The following RPL31 variants were observed in gnomAD, a reference collection of about 807,000 sequenced individuals.
RPL31 encodes the protein ribosomal protein L31, also known as large ribosomal subunit protein eL31.
For missense variants in RPL31, 95 were observed against 164.0 expected (o/e 0.58, Z 2.30); for synonymous variants, 51 against 55.0 (o/e 0.93, Z 0.32).
downstream of RPL31, chr2:101,011,093 A>G (rs1679174634): frequency 4.0e-6 from 6 of 1,491,620 alleles, no homozygotes; most frequent in Non-Finnish European, 5.5e-6. Flanking sequence ...AAAGGAAACT[A>G]TGTAGGAGAG....
At chr2:101,019,003 G>C in exon 5 of RPL31, 1 of 1,612,556 alleles carries the variant, frequency 6.2e-7, no homozygotes. Context: ...GCTAGTTTCT[G>C]TGCTAAACAG....
chr2:101,008,452 TTC>T (rs1187013210), downstream of RPL31, among the ~76,000 whole-genome samples: 1 of 152,180 alleles, frequency 6.6e-6, no homozygotes, highest in Non-Finnish European at 1.5e-5. Flanking sequence ...TCCTGGGAAT[TTC>T]AGCACAGACT....
intron 4 of RPL31, among the ~76,000 whole-genome samples, chr2:101,016,930 TG>T (rs1315532436): frequency 7.0e-6 from 1 of 143,336 alleles, no homozygotes; most frequent in African/African-American, 2.7e-5. Context: ...GGTGTGGGGT[TG>T]GGGGGATGGG....
At chr2:101,017,718 C>T in intron 4 of RPL31, 1 of 843,020 alleles carries the variant, frequency 1.2e-6, no homozygotes, top group Admixed American at 2.5e-5. Flanking sequence ...ATCCATGGTA[C>T]ATCACTTTAT....
exon 5 of RPL31, chr2:101,019,498 G>C (rs1679894352): frequency 6.5e-6 from 1 of 153,056 alleles, no homozygotes; most frequent in South Asian, 2.1e-4. Flanking sequence ...CTGCACTCTA[G>C]CTTTTTTGTC....
At chr2:101,015,727 A>G (rs574181935) in intron 4 of RPL31, among the ~76,000 whole-genome samples, 2 of 152,368 alleles carry the variant, frequency 1.3e-5, no homozygotes, top group South Asian at 2.1e-4. Context: ...AAACAGAGAT[A>G]TAGATCAATG....
intron 3 of RPL31, 75 bp downstream of exon 3, chr2:101,004,358 A>G (rs1678641415): frequency 4.6e-6 from 7 of 1,527,506 alleles, no homozygotes; most frequent in Non-Finnish European, 6.3e-6. Context: ...AAGAGCCCAT[A>G]TCAGTTCAGT....
downstream of RPL31, among the ~76,000 whole-genome samples, chr2:101,009,925 C>T (rs1035419757): frequency 1.3e-5 from 2 of 151,580 alleles, no homozygotes; most frequent in African/African-American, 4.8e-5. Context: ...GGGTTCATGC[C>T]ATTCTCCTGC....
chr2:101,005,182 T>A (rs1374055308), intron 3 of RPL31: 1 of 152,194 alleles, frequency 6.6e-6, no homozygotes, highest in Non-Finnish European at 1.5e-5. Context: ...AATCGGGGCC[T>A]AGAACAATAC....
chr2:101,012,583 T>A (rs1381849508), intron 4 of RPL31, among the ~76,000 whole-genome samples: 1 of 151,104 alleles, frequency 6.6e-6, no homozygotes, highest in Non-Finnish European at 1.5e-5. Flanking sequence ...GATGCAATGG[T>A]CTAAAATTGA....
chr2:101,004,003 C>T (rs551023272), intron 2 of RPL31, among the ~76,000 whole-genome samples, 155 bp from the exon 3 acceptor site: 2 of 152,304 alleles, frequency 1.3e-5, no homozygotes, highest in South Asian at 4.1e-4. Flanking sequence ...TTTAAGCACA[C>T]TGGCCTACTG....
At chr2:101,005,044 G>GAACA (rs1678668299) in intron 3 of RPL31, 1 of 152,328 alleles carries the variant, frequency 6.6e-6, no homozygotes, top group African/African-American at 2.4e-5. Context: ...GAACAAGACA[G>GAACA]GGACCTGAGA....
chr2:101,004,565 C>A, intron 3 of RPL31: 2 of 433,538 alleles, frequency 4.6e-6, no homozygotes, highest in South Asian at 6.1e-5. Context: ...GGGTGGTGAA[C>A]GCAGGTAAAG....
At chr2:101,006,226 T>C (rs1678728718) in intron 4 of RPL31, 124 bp from the exon 5 acceptor site, 10 of 1,512,312 alleles carry the variant, frequency 6.6e-6, no homozygotes, top group Non-Finnish European at 8.8e-6. Context: ...GCAAAACTGA[T>C]CCATATCTGG....
downstream of RPL31, chr2:101,008,355 G>C: frequency 2.7e-6 from 3 of 1,106,030 alleles, no homozygotes; most frequent in Non-Finnish European, 3.7e-6. Context: ...TGTGAGCTTT[G>C]AGAAAACGAC....
intron 4 of RPL31, among the ~76,000 whole-genome samples, chr2:101,012,567 C>T (rs923374117): frequency 6.6e-6 from 1 of 151,280 alleles, no homozygotes; most frequent in Non-Finnish European, 1.5e-5. Context: ...CATTTATTTT[C>T]AGGGTGATGC....
At chr2:101,019,043 A>T in exon 5 of RPL31, 2 of 1,611,034 alleles carry the variant, frequency 1.2e-6, no homozygotes, top group Non-Finnish European at 1.7e-6. Context: ...CCATAAAGGG[A>T]GCCCTCCTGG....
chr2:101,015,420 C>A (rs2105367190), intron 4 of RPL31, among the ~76,000 whole-genome samples: 1 of 152,164 alleles, frequency 6.6e-6, no homozygotes, highest in Admixed American at 6.5e-5. Flanking sequence ...TAAAAATATT[C>A]TTCTTCATCT....
chr2:101,003,140 C>T (rs1159707679), intron 2 of RPL31, among the ~76,000 whole-genome samples: 1 of 152,194 alleles, frequency 6.6e-6, no homozygotes, highest in Non-Finnish European at 1.5e-5. Flanking sequence ...ATCAAGAGTT[C>T]TTGCCATGAT....
Sources: allele counts gnomAD v4.1 joint callset (sites outside exome capture counted in the v4.1 genomes callset), GRCh38; gene constraint gnomAD v4.1.1; transcripts MANE v1.5; gene names NCBI Gene and HGNC (gene_info 2026-07-23, HGNC 2026-07-21).